MEIS2: variants seen among roughly 807,000 people sequenced by gnomAD.
MEIS2 encodes Meis homeobox 2.
A neutral mutation model predicts 58.6 loss-of-function variants in MEIS2; 9 were observed. The ratio of observed to expected loss-of-function variants is 0.15; its 90% CI spans 0.09 to 0.27. The LOEUF (loss-of-function observed/expected upper bound fraction) is 0.27, where lower values mean the gene tolerates loss of function less well. Ranked by LOEUF, MEIS2 falls within the 10% of genes least tolerant of loss-of-function variation. MEIS2 has a pLI of 1.00. For missense variants in MEIS2, 427 were observed against 635.0 expected (o/e 0.67, Z 3.52); for synonymous variants, 221 against 228.4 (o/e 0.97, Z 0.29).
chr15:36,984,038 T>G (rs12708548), intron 8 of MEIS2, among the ~76,000 whole-genome samples: 23,839 of 152,036 alleles, frequency 0.16, 1,960 homozygotes, highest in South Asian at 0.24. Flanking sequence ...TTCTTGGTGG[T>G]GTTTTCGATA....
chr15:36,892,520 C>A (rs1406189708), intron 11 of MEIS2, 61 bp from the exon 12 acceptor site: 488 of 807,306 alleles, frequency 6.0e-4, no homozygotes, highest in Non-Finnish European at 8.3e-4. Context: ...ATACTTTACC[C>A]ATCAAAGATG....
chr15:36,970,464 C>G (rs565554673), intron 8 of MEIS2, among the ~76,000 whole-genome samples: 1 of 151,758 alleles, frequency 6.6e-6, no homozygotes, highest in African/African-American at 2.4e-5. Context: ...CACACACACT[C>G]TGCAGGAAAT....
At chr15:36,921,584 G>T (rs757940334) in intron 9 of MEIS2, among the ~76,000 whole-genome samples, 127 of 152,288 alleles carry the variant, frequency 8.3e-4, no homozygotes, top group Admixed American at 1.4e-3. Context: ...ATCCAAAGTG[G>T]GAAAGAATTT....
chr15:36,924,287 G>C (rs1360899146), intron 9 of MEIS2, among the ~76,000 whole-genome samples: 1 of 152,196 alleles, frequency 6.6e-6, no homozygotes, highest in Non-Finnish European at 1.5e-5. Flanking sequence ...ATTTGTCTGG[G>C]GGTCCTGCCC....
intron 8 of MEIS2, among the ~76,000 whole-genome samples, chr15:36,959,687 C>T (rs2059115550): frequency 6.6e-6 from 1 of 152,052 alleles, no homozygotes; most frequent in Admixed American, 6.6e-5. Context: ...TTACTTAAAA[C>T]AAGAATAAAA....
intron 9 of MEIS2, among the ~76,000 whole-genome samples, chr15:36,899,765 A>G (rs1281963894): frequency 6.6e-6 from 1 of 152,236 alleles, no homozygotes; most frequent in Non-Finnish European, 1.5e-5. Flanking sequence ...AAAAGGTTCC[A>G]TGGATATTAA....
intron 11 of MEIS2, 127 bp downstream of exon 11, chr15:36,895,024 G>T (rs1567018479): frequency 3.2e-6 from 3 of 924,180 alleles, no homozygotes; most frequent in Non-Finnish European, 5.0e-6. Context: ...TGTAAAGAAA[G>T]CAGGCAGAGC....
chr15:37,011,853 C>T (rs1438063699), intron 8 of MEIS2, among the ~76,000 whole-genome samples: 5 of 151,868 alleles, frequency 3.3e-5, no homozygotes, highest in South Asian at 4.2e-4. Flanking sequence ...CTCCTGACCT[C>T]GTGATCTGCC....
At chr15:36,976,898 C>G (rs772131095) in intron 8 of MEIS2, among the ~76,000 whole-genome samples, 1 of 152,036 alleles carries the variant, frequency 6.6e-6, no homozygotes, top group African/African-American at 2.4e-5. Flanking sequence ...CCAAGGCAGG[C>G]GGATCACCTG....
rs1002784728 is a variant in MEIS2, at chr15:37,099,708, TTCC to T, written c.-245_-243del. 4.9e-4 allele frequency: 196 copies of T among 401,782 alleles called. No homozygotes were observed. The highest frequency in any genetic ancestry group is 1.3e-3 in the Middle Eastern group (2 of 1,538). 24.9% of individuals were successfully genotyped at this position (401,782 alleles called of 1,614,324 possible). A position where few individuals can be genotyped will look rare whatever the true frequency, so the allele number is the denominator to read the frequency against. On this transcript the variant is annotated 5_prime_UTR_variant, in exon 1 of 12. Transcript: ENST00000561208. ...CCTCTTCTTCCTCCTCCTCCTGATC[TTCC>T]TCCTCCTCCTCCACCTCCTCCTCCT...
chr15:36,994,806 GT>G (rs1227139821), intron 8 of MEIS2, among the ~76,000 whole-genome samples: 4 of 152,122 alleles, frequency 2.6e-5, no homozygotes, highest in Non-Finnish European at 5.9e-5. Flanking sequence ...TTTAAAGTGC[GT>G]TTTTTCTTTT....
intron 8 of MEIS2, among the ~76,000 whole-genome samples, chr15:36,952,742 C>A (rs542066254): frequency 7.3e-5 from 11 of 151,590 alleles, no homozygotes; most frequent in Admixed American, 2.6e-4. Context: ...TACTGGAGAG[C>A]CAATTCCTTC....
At position 36,891,477 on chromosome 15, in the gene MEIS2, TG is replaced by T. The variant is rs2055852245; in HGVS notation, c.*695del. ...GTCCACAACCAAGGCTCAGAACTCC[TG>T]GAAGAAGCTCCTGCTCTGTCTTTAA... is the stretch of plus-strand genomic sequence containing the variant. On this transcript the variant is annotated 3_prime_UTR_variant, in exon 12 of 12. Coordinates refer to ENST00000561208, the MANE Select transcript of MEIS2 (RefSeq NM_170675.5). 6.5e-6 allele frequency: 1 copy of T among 152,696 alleles called. No individual in the cohort carries two copies. 9.5% of individuals were successfully genotyped at this position (152,696 alleles called of 1,614,324 possible).
At chr15:36,965,571 A>G (rs953363593) in intron 8 of MEIS2, among the ~76,000 whole-genome samples, 3 of 152,248 alleles carry the variant, frequency 2.0e-5, no homozygotes, top group African/African-American at 7.2e-5. Context: ...TGTAGGATGA[A>G]TATGGAAGTC....
intron 7 of MEIS2, among the ~76,000 whole-genome samples, chr15:37,078,550 A>C (rs772364075): frequency 3.4e-5 from 5 of 148,412 alleles, no homozygotes; most frequent in Non-Finnish European, 6.0e-5. Flanking sequence ...AATAATGAAA[A>C]ATCCTTTGCA....
intron 8 of MEIS2, among the ~76,000 whole-genome samples, chr15:36,965,622 A>G (rs1406488409): frequency 6.6e-6 from 1 of 152,218 alleles, no homozygotes; most frequent in East Asian, 1.9e-4. Context: ...TTAAACTTTA[A>G]AATATTTATA....
intron 8 of MEIS2, among the ~76,000 whole-genome samples, chr15:36,956,887 T>TAAAA (rs61478606): frequency 5.1e-4 from 57 of 111,960 alleles, no homozygotes; most frequent in Middle Eastern, 5.1e-3. Flanking sequence ...AAATGATTGT[T>TAAAA]AAAAAAAAAA....
At chr15:37,055,823 A>G (rs1888323730) in intron 7 of MEIS2, among the ~76,000 whole-genome samples, 1 of 152,210 alleles carries the variant, frequency 6.6e-6, no homozygotes, top group Admixed American at 6.5e-5. Flanking sequence ...AAATAAAGTA[A>G]TTGGTCCCAG....
intron 8 of MEIS2, among the ~76,000 whole-genome samples, chr15:37,015,978 T>C (rs2061337580): frequency 1.3e-5 from 2 of 152,260 alleles, no homozygotes; most frequent in Middle Eastern, 3.4e-3. Flanking sequence ...CCACAGCACA[T>C]GGATGACTCA....
Sources: gnomAD v4.1 joint callset for allele counts (sites outside exome capture counted in the v4.1 genomes callset) on GRCh38, gnomAD v4.1.1 for gene constraint, MANE v1.5 for transcripts, NCBI Gene and HGNC (gene_info 2026-07-23, HGNC 2026-07-21) for gene names.